The following IGSF11 variants were observed in gnomAD, a reference collection of about 807,000 sequenced individuals.
The protein encoded by IGSF11 is immunoglobulin superfamily member 11.
A neutral mutation model predicts 41.0 loss-of-function variants in IGSF11; 22 were observed. That is an observed-to-expected ratio of 0.54 (90% CI 0.38 to 0.77). The LOEUF (loss-of-function observed/expected upper bound fraction) is 0.77, where lower values mean the gene tolerates loss of function less well. Among genes scored for constraint, IGSF11 ranks in the 30% least tolerant of loss-of-function variants. The pLI is 0.00. For missense variants in IGSF11, 444 were observed against 530.8 expected (o/e 0.84, Z 1.61); for synonymous variants, 219 against 201.3 (o/e 1.09, Z -0.74).
intron 1 of IGSF11, among the ~76,000 whole-genome samples, chr3:118,951,770 T>C (rs1944587802): frequency 6.6e-6 from 1 of 152,200 alleles, no homozygotes; most frequent in Admixed American, 6.5e-5. Context: ...TTCTCTCAAA[T>C]ACCTTAAATC....
At chr3:118,998,981 A>G (rs766005441) in intron 1 of IGSF11, among the ~76,000 whole-genome samples, 2 of 152,112 alleles carry the variant, frequency 1.3e-5, no homozygotes, top group Non-Finnish European at 2.9e-5. Flanking sequence ...AAATGTTATG[A>G]AAAAATTTTT....
intron 1 of IGSF11, among the ~76,000 whole-genome samples, chr3:119,049,214 G>C (rs867384007): frequency 6.6e-6 from 1 of 151,538 alleles, no homozygotes; most frequent in African/African-American, 2.4e-5. Flanking sequence ...AATTGTCCCT[G>C]TTTGCAGATG....
intron 5 of IGSF11, 35 bp downstream of exon 5, chr3:118,905,561 A>T: frequency 1.9e-6 from 3 of 1,611,826 alleles, no homozygotes; most frequent in Non-Finnish European, 1.7e-6. Flanking sequence ...AGAGTTTCAG[A>T]CCCATGGTTG....
rs575382215 is a variant in IGSF11, at chr3:118,977,961, T to C, written c.53-47686A>G. 5.1e-4 allele frequency among the ~76,000 whole-genome samples: 77 copies of C among 152,214 alleles called. 1 individual carries two copies. Among genetic ancestry groups the C allele is most frequent in the African/African-American group, 1.8e-3 (74 of 41,560 alleles). On this transcript the variant is annotated intron_variant, in intron 1 of 6. Coordinates refer to ENST00000393775, the MANE Select transcript of IGSF11 (RefSeq NM_001015887.3). ...AGCCCAACAGAGGGGCGGCCATGCA[T>C]TCTCATGCATCCTGAGGACAAATTC...
intron 1 of IGSF11, among the ~76,000 whole-genome samples, chr3:119,058,288 A>G (rs2107448323): frequency 6.6e-6 from 1 of 152,328 alleles, no homozygotes; most frequent in East Asian, 1.9e-4. Context: ...AAAAAAACAA[A>G]CAACCCCATC....
At chr3:118,984,497 T>C (rs1412137266) in intron 1 of IGSF11, among the ~76,000 whole-genome samples, 1 of 152,082 alleles carries the variant, frequency 6.6e-6, no homozygotes, top group Admixed American at 6.6e-5. Flanking sequence ...TAGGGTATAG[T>C]GATTGGATCT....
chr3:119,139,189 G>A (rs2077605254), intron 1 of IGSF11, among the ~76,000 whole-genome samples: 1 of 151,888 alleles, frequency 6.6e-6, no homozygotes, highest in African/African-American at 2.4e-5. Flanking sequence ...TGAAAAAATA[G>A]TTTATATATT....
chr3:118,961,462 C>T (rs770480330), intron 1 of IGSF11, among the ~76,000 whole-genome samples: 3 of 152,064 alleles, frequency 2.0e-5, no homozygotes, highest in Non-Finnish European at 4.4e-5. Context: ...CTATTTTTTA[C>T]AGTGGTAAAG....
intron 1 of IGSF11, among the ~76,000 whole-genome samples, chr3:119,101,905 A>G (rs1054446310): frequency 6.6e-6 from 1 of 152,248 alleles, no homozygotes; most frequent in Non-Finnish European, 1.5e-5. Flanking sequence ...AGTGAATTAT[A>G]AGATTTATCT....
chr3:119,131,312 G>C (rs2077477940), intron 1 of IGSF11, among the ~76,000 whole-genome samples: 1 of 152,116 alleles, frequency 6.6e-6, no homozygotes, highest in African/African-American at 2.4e-5. Context: ...TTGAAAAAAA[G>C]GTTAGATGAA....
At chr3:119,039,187 G>A (rs983651556), upstream of IGSF11, among the ~76,000 whole-genome samples, 5 of 152,180 alleles carry the variant, frequency 3.3e-5, no homozygotes, top group Admixed American at 6.6e-5. Flanking sequence ...ACTTGGTGGC[G>A]TAAAACAACA....
intron 4 of IGSF11, among the ~76,000 whole-genome samples, chr3:118,919,445 C>T (rs1182092986): frequency 4.8e-4 from 48 of 100,436 alleles, no homozygotes; most frequent in South Asian, 1.2e-3. Flanking sequence ...AAAAAGTGGG[C>T]GAAGGACATG....
At chr3:119,076,598 A>G (rs573141985) in intron 1 of IGSF11, among the ~76,000 whole-genome samples, 1 of 152,314 alleles carries the variant, frequency 6.6e-6, no homozygotes, top group African/African-American at 2.4e-5. Context: ...AAAAGTGGGC[A>G]AAGGATACAA....
At chr3:119,009,879 C>T (rs1423652564) in intron 1 of IGSF11, among the ~76,000 whole-genome samples, 1 of 152,058 alleles carries the variant, frequency 6.6e-6, no homozygotes, top group Non-Finnish European at 1.5e-5. Flanking sequence ...TGACATCTAC[C>T]TTGACATCTA....
At chr3:119,064,280 C>G (rs111235411) in intron 1 of IGSF11, among the ~76,000 whole-genome samples, 50 of 152,268 alleles carry the variant, frequency 3.3e-4, no homozygotes, top group African/African-American at 1.2e-3. Context: ...TTGACTGTAA[C>G]TAAGCATCAT....
intron 1 of IGSF11, among the ~76,000 whole-genome samples, chr3:119,130,680 GT>G (rs534934900): frequency 1.4e-3 from 214 of 152,336 alleles, no homozygotes; most frequent in Non-Finnish European, 2.5e-3. Flanking sequence ...AAACGTCCCT[GT>G]CTGACAGCTC....
At chr3:119,051,699 C>A (rs1052280417) in intron 1 of IGSF11, among the ~76,000 whole-genome samples, 1 of 152,144 alleles carries the variant, frequency 6.6e-6, no homozygotes, top group African/African-American at 2.4e-5. Context: ...GCACATGGAA[C>A]ATTCTCCAAG....
At chr3:119,088,191 A>T (rs1398196043) in intron 1 of IGSF11, among the ~76,000 whole-genome samples, 2 of 152,128 alleles carry the variant, frequency 1.3e-5, no homozygotes, top group African/African-American at 2.4e-5. Flanking sequence ...GTCTCAAAAA[A>T]TTCAAAAAAA....
intron 1 of IGSF11, among the ~76,000 whole-genome samples, chr3:118,985,971 G>T (rs950696798): frequency 3.9e-5 from 6 of 152,132 alleles, no homozygotes; most frequent in African/African-American, 1.4e-4. Context: ...TTCTCAGCAC[G>T]ACAAAAAGGA....
Sources: gnomAD v4.1 joint callset for allele counts (sites outside exome capture counted in the v4.1 genomes callset) on GRCh38, gnomAD v4.1.1 for gene constraint, MANE v1.5 for transcripts, NCBI Gene and HGNC (gene_info 2026-07-23, HGNC 2026-07-21) for gene names.